The following PHACTR1 variants were observed in gnomAD, a reference collection of about 807,000 sequenced individuals.
PHACTR1 encodes the protein RPEL repeat containing 1.
Under a neutral mutation model 69.2 loss-of-function variants are expected in PHACTR1, and 16 were observed. The observed-to-expected ratio is 0.23, with a 90% CI of 0.16 to 0.35. The LOEUF (loss-of-function observed/expected upper bound fraction) is 0.35, where lower values mean the gene tolerates loss of function less well. Among genes scored for constraint, PHACTR1 ranks in the 10% least tolerant of loss-of-function variants. The pLI, the probability that PHACTR1 is intolerant of heterozygous loss-of-function variation, is 1.00. For synonymous variants in PHACTR1, 312 were observed against 284.5 expected (o/e 1.10, Z -0.97); for missense variants, 510 against 734.7 (o/e 0.69, Z 3.54).
At chr6:12,833,952 G>T (rs906413224) in intron 4 of PHACTR1, among the ~76,000 whole-genome samples, 3 of 152,064 alleles carry the variant, frequency 2.0e-5, no homozygotes, top group Non-Finnish European at 4.4e-5. Flanking sequence ...TTATCCTGTA[G>T]CTGCATCGTT....
chr6:12,914,792 G>A (rs1403807929), intron 4 of PHACTR1, among the ~76,000 whole-genome samples: 1 of 152,180 alleles, frequency 6.6e-6, no homozygotes, highest in Non-Finnish European at 1.5e-5. Flanking sequence ...CTTAAGGGCA[G>A]TCTAGAGCTA....
intron 4 of PHACTR1, among the ~76,000 whole-genome samples, chr6:12,886,334 T>G: frequency 6.6e-6 from 1 of 152,224 alleles, no homozygotes; most frequent in East Asian, 1.9e-4. Context: ...AAGGAAAACT[T>G]TTAAAAGTTA....
chr6:13,030,158 CTTCT>C (rs916007439), intron 4 of PHACTR1, among the ~76,000 whole-genome samples: 3 of 151,960 alleles, frequency 2.0e-5, no homozygotes, highest in South Asian at 4.1e-4. Flanking sequence ...GCCTTTTTTC[CTTCT>C]TTATTTTCAT....
At chr6:12,905,065 T>C (rs757612930) in intron 4 of PHACTR1, among the ~76,000 whole-genome samples, 2 of 152,192 alleles carry the variant, frequency 1.3e-5, no homozygotes, top group Non-Finnish European at 2.9e-5. Context: ...AACCCTGCAC[T>C]GAACGTCAAA....
chr6:12,985,300 G>A (rs1796009002), intron 4 of PHACTR1, among the ~76,000 whole-genome samples: 1 of 151,810 alleles, frequency 6.6e-6, no homozygotes, highest in South Asian at 2.1e-4. Flanking sequence ...TACTCCAATT[G>A]AGAAATTAAC....
At chr6:13,131,469 G>T (rs1270491831) in intron 5 of PHACTR1, among the ~76,000 whole-genome samples, 1 of 151,882 alleles carries the variant, frequency 6.6e-6, no homozygotes, top group African/African-American at 2.4e-5. Context: ...GGGGATGAGG[G>T]GTAAAAAACT....
At chr6:13,133,581 T>C (rs1373831234) in intron 5 of PHACTR1, among the ~76,000 whole-genome samples, 8 of 151,884 alleles carry the variant, frequency 5.3e-5, no homozygotes, top group Non-Finnish European at 1.2e-4. Context: ...GCAGACGGAG[T>C]CTCGCTCACT....
intron 4 of PHACTR1, among the ~76,000 whole-genome samples, chr6:12,794,855 G>A (rs1002248732): frequency 1.3e-5 from 2 of 152,158 alleles, no homozygotes; most frequent in African/African-American, 2.4e-5. Context: ...GGAACGTAGA[G>A]GGGAGGCAGG....
intron 4 of PHACTR1, among the ~76,000 whole-genome samples, chr6:12,828,493 G>C (rs1190231832): frequency 6.6e-6 from 1 of 152,034 alleles, no homozygotes; most frequent in African/African-American, 2.4e-5. Flanking sequence ...TATTCTTTTT[G>C]TTTCTTTTAT....
rs1293011736 is a variant in PHACTR1, at chr6:13,277,640, C to CCA, written c.1448-628_1448-627insCA. On this transcript the variant is annotated intron_variant, in intron 11 of 14. Transcript: ENST00000332995. ...ATCTCCCCAAATGCCTGTGTGTCCC[C>CCA]GTGTCAACATTCCCACCCACCTCCT... 2.3e-3 allele frequency among the ~76,000 whole-genome samples: 356 copies of CCA among 152,262 alleles called. 1 individual carries two copies. Among genetic ancestry groups the CCA allele is most frequent in the African/African-American group, 7.9e-3 (328 of 41,552 alleles).
intron 3 of PHACTR1, among the ~76,000 whole-genome samples, chr6:12,737,598 C>CTTT (rs200648359): frequency 7.0e-6 from 1 of 142,954 alleles, no homozygotes; most frequent in African/African-American, 2.6e-5. Flanking sequence ...TTCTTTCTTT[C>CTTT]TTTTTTTTTT....
chr6:13,241,380 C>A lies in PHACTR1; in HGVS notation c.1391+11187C>A, dbSNP rs1399833525. 2.6e-5 allele frequency among the ~76,000 whole-genome samples: 4 copies of A among 152,184 alleles called. No homozygotes were observed. The East Asian group carries it at 7.7e-4, about 29-fold the overall frequency. On this transcript the variant is annotated intron_variant, in intron 10 of 14. Transcript: ENST00000332995. Reference sequence around the variant, plus strand: ...TTTGTTGAAAATGCATATTCTCAGGCCCCACCCCAGACCCAGAATCAGAAA... The same window carrying A: ...TTTGTTGAAAATGCATATTCTCAGGACCCACCCCAGACCCAGAATCAGAAA...
intron 3 of PHACTR1, among the ~76,000 whole-genome samples, chr6:12,747,316 CTTTT>C (rs888716701): frequency 6.6e-6 from 1 of 151,960 alleles, no homozygotes; most frequent in African/African-American, 2.4e-5. Context: ...CACTTCTTTT[CTTTT>C]TTTTCTTCTT....
chr6:13,158,309 T>C (rs1758484061), intron 5 of PHACTR1, among the ~76,000 whole-genome samples: 1 of 152,170 alleles, frequency 6.6e-6, no homozygotes, highest in Non-Finnish European at 1.5e-5. Context: ...CCATATAATG[T>C]CATCTGGTTT....
chr6:13,032,995 A>G lies in PHACTR1; in HGVS notation c.251-20370A>G, dbSNP rs149310941. On this transcript the variant is annotated intron_variant, in intron 4 of 14. Transcript: ENST00000332995. ...AAGTCTCGATTTTGTAAAATTAAAAAAAGTTCTGCCTCTATTTCTGAAAGT... is the reference window on the plus strand; with the variant it reads ...AAGTCTCGATTTTGTAAAATTAAAAGAAGTTCTGCCTCTATTTCTGAAAGT... Among the ~76,000 whole-genome samples the G allele has an allele frequency of 3.5e-3, 536 of 152,310 alleles. 2 individuals carry two copies. The highest frequency in any genetic ancestry group is 9.8e-3 in the South Asian group (47 of 4,820).
In PHACTR1 at chr6:12,892,460, C is replaced by T. The variant is rs981494525; in HGVS notation, c.250+142670C>T. 5.3e-5 allele frequency among the ~76,000 whole-genome samples: 8 copies of T among 152,258 alleles called. No homozygotes were observed. The East Asian group carries it at 5.8e-4, about 11-fold the overall frequency. ...TGTCAGAGGGAAGTGATGAAACATA[C>T]GCTCCCATATGGATTTATAGCTAGT... On this transcript the variant is annotated intron_variant, in intron 4 of 14. Coordinates refer to ENST00000332995, the MANE Select transcript of PHACTR1 (RefSeq NM_030948.6).
intron 4 of PHACTR1, among the ~76,000 whole-genome samples, chr6:12,965,372 G>A (rs1793315276): frequency 6.6e-6 from 1 of 151,474 alleles, no homozygotes; most frequent in Non-Finnish European, 1.5e-5. Context: ...TTTGAGCTGA[G>A]ATGGAACAAA....
chr6:12,824,130 G>A (rs1050190768), intron 4 of PHACTR1, among the ~76,000 whole-genome samples: 3 of 152,150 alleles, frequency 2.0e-5, no homozygotes, highest in African/African-American at 7.2e-5. Context: ...ATCAGTGGTG[G>A]CATTAGATTT....
intron 5 of PHACTR1, among the ~76,000 whole-genome samples, chr6:13,112,393 C>T (rs1456498459): frequency 6.6e-6 from 1 of 152,192 alleles, no homozygotes; most frequent in Non-Finnish European, 1.5e-5. Flanking sequence ...GGTATACACC[C>T]ACTAATGGGA....
Sources: gnomAD v4.1 joint callset for allele counts (sites outside exome capture counted in the v4.1 genomes callset) on GRCh38, gnomAD v4.1.1 for gene constraint, MANE v1.5 for transcripts, NCBI Gene and HGNC (gene_info 2026-07-23, HGNC 2026-07-21) for gene names.